The following MYO1A variants were observed in gnomAD, a reference collection of about 807,000 sequenced individuals.
MYO1A encodes the protein unconventional myosin-Ia.
A neutral mutation model predicts 138.5 loss-of-function variants in MYO1A; 127 were observed. The observed-to-expected ratio is 0.92, with a 90% CI of 0.79 to 1.06. The LOEUF (loss-of-function observed/expected upper bound fraction) is 1.06, where lower values mean the gene tolerates loss of function less well. Ranked by LOEUF, MYO1A falls within the 50% of genes least tolerant of loss-of-function variation. MYO1A has a pLI of 0.00. For synonymous variants in MYO1A, 477 were observed against 497.5 expected (o/e 0.96, Z 0.55); for missense variants, 1,211 against 1,288.8 (o/e 0.94, Z 0.92).
rs558315015 is a variant in MYO1A at position 57,043,062 on chromosome 12, G to A, written c.1098+10C>T. The A allele has an allele frequency of 1.1e-5, 18 of 1,613,906 alleles. No individual in the cohort carries two copies. Among genetic ancestry groups the A allele is most frequent in the African/African-American group, 5.3e-5 (4 of 75,006 alleles). On this transcript the variant is annotated intron_variant, in intron 12 of 27. Transcript: ENST00000300119. ...CAGGAGAGCATGGAGAAAGCAGAGC[G>A]GCCACTTGCCTTGATGCTCTCATTG...
At position 57,041,440 on chromosome 12, in the gene MYO1A, T is replaced by C; in HGVS notation, c.1156A>G (p.Ile386Val). 2 of 1,613,410 alleles carry C rather than the reference T, an allele frequency of 1.2e-6. No homozygotes were observed. Among genetic ancestry groups the C allele is most frequent in the Non-Finnish European group, 1.7e-6 (2 of 1,179,436 alleles). ...MGVLDIYGFE[I>V]LEDNSFEQFV... ...AGGTGAGGCACTCTCACCTCTAATA[T>C]CTCAAAACCGTAGATATCAAGGACT... is the stretch of plus-strand genomic sequence containing the variant. Residue 386 changes from isoleucine (I) to valine (V), a missense_variant, in exon 13 of 28, where the codon ATA becomes GTA. Coordinates refer to ENST00000300119, the MANE Select transcript of MYO1A (RefSeq NM_005379.4).
chr12:57,041,190 C>A lies in MYO1A; in HGVS notation c.1263G>T (p.Lys421Asn). 6.2e-7 allele frequency: 1 copy of A among 1,612,188 alleles called. No individual in the cohort carries two copies. Among genetic ancestry groups the A allele is most frequent in the South Asian group, 1.1e-5 (1 of 91,016 alleles). The change falls in exon 14 of 28, where the codon AAG becomes AAT. Residue 421 changes from lysine to asparagine, a missense_variant. Physicochemically the swap from Lys to Asn is moderately conservative, Grantham distance 94. Transcript: ENST00000300119. ...TAGAAAAGACTTGGTTTACTTCTCT[C>A]TTATATTCCTCTTGCTCTTCTTTCA... ...MTLKEEQEEY[K>N]REGIPWTKVD...
rs756074405 is a variant in MYO1A, at chr12:57,041,221, A to G, written c.1232T>C (p.Met411Thr). 1 of 1,613,852 alleles carries G rather than the reference A, an allele frequency of 6.2e-7. No individual in the cohort carries two copies. The highest frequency in any genetic ancestry group is 8.5e-7 in the Non-Finnish European group (1 of 1,180,020). Residue 411 changes from methionine (M) to threonine (T), a missense_variant, in exon 14 of 28, where the codon ATG becomes ACG. Physicochemically the swap from Met to Thr is moderately conservative, Grantham distance 81. Transcript: ENST00000300119. ...NEKLQQVFIE[M>T]TLKEEQEEYK... ...TTCCTCTTGCTCTTCTTTCAGGGTC[A>G]TCTCTATGAACACCTGCTGCAGCTT...
chr12:57,030,766 G>C (rs186099579), intron 23 of MYO1A, among the ~76,000 whole-genome samples: 5 of 152,174 alleles, frequency 3.3e-5, no homozygotes, highest in Non-Finnish European at 4.4e-5. Context: ...GGGAGAATAG[G>C]GGGTTATTGC....
rs754653991 is a variant in MYO1A, at chr12:57,037,994, C to T, written c.1836G>A (p.Leu612=). Residue 612 remains leucine, a synonymous_variant, in exon 18 of 28, where the codon CTG becomes CTA. Coordinates refer to ENST00000300119, the MANE Select transcript of MYO1A (RefSeq NM_005379.4). The part of the protein sequence containing the change: ...SDLVATQARY[L]GLLENVRVRR... ...GCACCCGTACGTTCTCCAGCAGTCC[C>T]AGGTACCGAGCCTGGGTTGCCACCA... The T allele has an allele frequency of 1.2e-6, 2 of 1,614,204 alleles. No homozygotes were observed. Among genetic ancestry groups the T allele is most frequent in the East Asian group, 4.5e-5 (2 of 44,886 alleles).
chr12:57,029,741 T>G lies in MYO1A; in HGVS notation c.2723A>C (p.Lys908Thr), dbSNP rs200861737. Residue 908 changes from lysine (K) to threonine (T), a missense_variant and splice_region_variant, in exon 25 of 28, where the codon AAG becomes ACG. By Grantham distance (78) the Lys-to-Thr change is moderately conservative (BLOSUM62 -1). Transcript: ENST00000300119. The stretch of plus-strand genomic sequence containing the variant: ...GGAGTTCAGCCTGCAGGCCCTTACC[T>G]TGCCATTGCCACGATTGACCTTCTT... ...AVKKVNRGNG[K>T]TSSRILLLTK... 3 of 1,614,142 alleles carry G rather than the reference T, an allele frequency of 1.9e-6. No homozygotes were observed. Among genetic ancestry groups the G allele is most frequent in the East Asian group, 4.5e-5 (2 of 44,874 alleles).
intron 17 of MYO1A, 107 bp downstream of exon 17, chr12:57,038,305 G>T: frequency 7.6e-7 from 1 of 1,307,398 alleles, no homozygotes; most frequent in South Asian, 1.2e-5. Flanking sequence ...AAGGACCTCT[G>T]ACATCCTTAT....
At chr12:57,041,549 G>A in intron 12 of MYO1A, 52 bp from the exon 13 acceptor site, 2 of 1,494,434 alleles carry the variant, frequency 1.3e-6, no homozygotes, top group Non-Finnish European at 1.9e-6. Context: ...TGCACACCAG[G>A]CCAGGTCCTT....
intron 8 of MYO1A, among the ~76,000 whole-genome samples, chr12:57,045,139 C>T (rs962140538): frequency 6.6e-6 from 1 of 152,192 alleles, no homozygotes; most frequent in Non-Finnish European, 1.5e-5. Flanking sequence ...CATAAATGAG[C>T]AACTTGTGGG....
Position 57,037,974 on chromosome 12 carries a change from C to T in MYO1A, c.1856G>A (p.Arg619Gln), listed in dbSNP as rs370665099. The change falls in exon 18 of 28, where the codon CGG becomes CAG. Residue 619 changes from arginine (R) to glutamine (Q), a missense_variant. Coordinates refer to ENST00000300119, the MANE Select transcript of MYO1A (RefSeq NM_005379.4). ...GTGGGCATAGCCTGCCCGTCGCACC[C>T]GTACGTTCTCCAGCAGTCCCAGGTA... ...ARYLGLLENV[R>Q]VRRAGYAHRQ... 9.4e-5 allele frequency: 151 copies of T among 1,614,062 alleles called. No homozygotes were observed. Among genetic ancestry groups the T allele is most frequent in the Non-Finnish European group, 1.2e-4 (142 of 1,180,046 alleles).
At chr12:57,043,762 G>A (rs2030968836) in intron 10 of MYO1A, 94 bp downstream of exon 10, 3 of 1,544,190 alleles carry the variant, frequency 1.9e-6, no homozygotes. Context: ...CTGCATCAGG[G>A]TGAGATCAAT....
chr12:57,047,009 C>T, intron 6 of MYO1A, 52 bp downstream of exon 6: 2 of 1,611,702 alleles, frequency 1.2e-6, no homozygotes, highest in Middle Eastern at 1.7e-4. Context: ...CCACATTCCT[C>T]CCTCTTAAGC....
chr12:57,044,740 A>G (rs73334802), intron 8 of MYO1A, among the ~76,000 whole-genome samples: 4,026 of 152,258 alleles, frequency 0.026, 184 homozygotes, highest in African/African-American at 0.093. Context: ...TGATGCTCAT[A>G]TTGATTGGGT....
At position 57,037,954 on chromosome 12, in the gene MYO1A, C is replaced by T. The variant is rs2030647319; in HGVS notation, c.1876G>A (p.Ala626Thr). 6.2e-7 allele frequency: 1 copy of T among 1,614,202 alleles called. No homozygotes were observed. The change falls in exon 18 of 28, where the codon GCC (alanine) becomes ACC (threonine). Residue 626 changes from alanine to threonine, a missense_variant. Coordinates refer to ENST00000300119, the MANE Select transcript of MYO1A (RefSeq NM_005379.4). ...AAGGGCCCATAACCCTGGCGGTGGG[C>T]ATAGCCTGCCCGTCGCACCCGTACG... is the stretch of plus-strand genomic sequence containing the variant. ...ENVRVRRAGYAHRQGYGPFLE... is the reference protein window; with the variant it reads ...ENVRVRRAGYTHRQGYGPFLE...
Position 57,036,756 on chromosome 12 carries a change from T to C in MYO1A, c.2274+16A>G, listed in dbSNP as rs1156860615. On this transcript the variant is annotated intron_variant, in intron 21 of 27. Coordinates refer to ENST00000300119, the MANE Select transcript of MYO1A (RefSeq NM_005379.4). Reference sequence around the variant, plus strand: ...GAGAAACAATGTGAGGAAACCTCTCTTCCACTCTCCATTACCTTCCACCCT... The same window carrying C: ...GAGAAACAATGTGAGGAAACCTCTCCTCCACTCTCCATTACCTTCCACCCT... The C allele has an allele frequency of 1.2e-6, 2 of 1,611,092 alleles. No homozygotes were observed.
intron 8 of MYO1A, 74 bp downstream of exon 8, chr12:57,046,478 T>C: frequency 8.6e-7 from 1 of 1,156,784 alleles, no homozygotes; most frequent in Non-Finnish European, 1.3e-6. Flanking sequence ...GAACAGGGGT[T>C]CTGGGACTGA....
intron 12 of MYO1A, among the ~76,000 whole-genome samples, chr12:57,042,155 C>A (rs374768232): frequency 1.3e-5 from 2 of 152,230 alleles, no homozygotes; most frequent in Admixed American, 6.5e-5. Context: ...CCTCTCCCCC[C>A]AGCCCTTGGC....
intron 22 of MYO1A, 92 bp from the exon 23 acceptor site, chr12:57,031,266 G>A (rs1300455108): frequency 1.5e-5 from 22 of 1,500,214 alleles, no homozygotes; most frequent in Non-Finnish European, 1.9e-5. Flanking sequence ...TTCAAAGGAG[G>A]AAGTTAACCC....
intron 7 of MYO1A, 75 bp downstream of exon 7, chr12:57,046,788 T>A (rs2031113761): frequency 6.4e-7 from 1 of 1,562,032 alleles, no homozygotes; most frequent in East Asian, 2.2e-5. Context: ...TCTGCCTTTC[T>A]ACAGGAACAG....
Sources: gnomAD v4.1 joint callset for allele counts (sites outside exome capture counted in the v4.1 genomes callset) on GRCh38, gnomAD v4.1.1 for gene constraint, MANE v1.5 for transcripts, NCBI Gene and HGNC (gene_info 2026-07-23, HGNC 2026-07-21) for gene names.